Variants in AUTS2 observed in about 807,000 individuals in gnomAD.
AUTS2 encodes autism susceptibility gene 2 protein.
A neutral mutation model predicts 112.4 loss-of-function variants in AUTS2; 17 were observed. The observed-to-expected ratio is 0.15, with a 90% confidence interval of 0.10 to 0.23. AUTS2 has a LOEUF of 0.23. Among genes scored for constraint, AUTS2 ranks in the 10% least tolerant of loss-of-function variants. The pLI, the probability that AUTS2 is intolerant of heterozygous loss-of-function variation, is 1.00. For synonymous variants in AUTS2, 751 were observed against 702.7 expected (o/e 1.07, Z -1.09); for missense variants, 1,510 against 1,701.6 (o/e 0.89, Z 1.98).
At chr7:70,436,298 C>T (rs745432359) in intron 5 of AUTS2, 63 of 152,804 alleles carry the variant, frequency 4.1e-4, no homozygotes, top group African/African-American at 5.5e-4. Flanking sequence ...TCTTCCCATC[C>T]GGGCGGACCG....
chr7:70,581,148 C>T (rs577855101), intron 5 of AUTS2, among the ~76,000 whole-genome samples: 52 of 152,110 alleles, frequency 3.4e-4, no homozygotes, highest in Middle Eastern at 3.4e-3. Context: ...TTTGGGAGGC[C>T]GAGGCGGGCA....
chr7:70,144,554 A>G (rs1438694201), intron 4 of AUTS2, among the ~76,000 whole-genome samples: 3 of 152,098 alleles, frequency 2.0e-5, no homozygotes, highest in African/African-American at 7.2e-5. Flanking sequence ...GTTTTCGCCT[A>G]ATTGTTTCTA....
At chr7:70,163,633 C>G (rs1193029443) in intron 4 of AUTS2, among the ~76,000 whole-genome samples, 2 of 152,076 alleles carry the variant, frequency 1.3e-5, no homozygotes, top group South Asian at 2.1e-4. Flanking sequence ...TGAGAGAGAT[C>G]ATTTTGCCCA....
At chr7:70,195,697 T>A (rs1810136144) in intron 4 of AUTS2, among the ~76,000 whole-genome samples, 1 of 152,308 alleles carries the variant, frequency 6.6e-6, no homozygotes, top group Admixed American at 6.5e-5. Context: ...CTCTGAATAG[T>A]AGAAGACAAT....
intron 5 of AUTS2, among the ~76,000 whole-genome samples, chr7:70,483,336 G>A (rs1585198919): frequency 6.6e-6 from 1 of 152,330 alleles, no homozygotes; most frequent in East Asian, 1.9e-4. Context: ...TGAGGCAAGT[G>A]AATTGAGAAG....
chr7:69,726,114 C>G lies in AUTS2; in HGVS notation c.309+126152C>G, dbSNP rs146791311. Among the ~76,000 whole-genome samples, 7 of 152,252 alleles carry G rather than the reference C, an allele frequency of 4.6e-5. No individual in the cohort carries two copies. The East Asian group carries it at 1.4e-3, about 29-fold the overall frequency. ...ACATCAATGAATTTTGGCAAATATA[C>G]ATACCCATGTAGCACACTTACCCAT... On this transcript the variant is annotated intron_variant, in intron 1 of 18. Transcript: ENST00000342771.
At chr7:70,282,055 T>A (rs1171069817) in intron 4 of AUTS2, among the ~76,000 whole-genome samples, 3 of 151,638 alleles carry the variant, frequency 2.0e-5, no homozygotes, top group African/African-American at 7.3e-5. Flanking sequence ...CTTGGAGCAA[T>A]GCTCATTGAT....
rs1800293186 is a variant in AUTS2, at chr7:70,021,897, A to AG, written c.523-96235_523-96234insG. On this transcript the variant is annotated intron_variant, in intron 2 of 18. Transcript: ENST00000342771. ...TTAGCTAATTATTAGATTGAGATAA[A>AG]TGTGTGTAAGTGACAAATTGCCTTT... 2.0e-5 allele frequency among the ~76,000 whole-genome samples: 3 copies of AG among 152,208 alleles called. No individual in the cohort carries two copies. The South Asian group carries it at 6.2e-4, about 32-fold the overall frequency.
intron 4 of AUTS2, among the ~76,000 whole-genome samples, chr7:70,406,539 G>A (rs146114690): frequency 1.2e-3 from 185 of 152,324 alleles, no homozygotes; most frequent in African/African-American, 4.2e-3. Flanking sequence ...GAAGAACAGT[G>A]TACTTGATGA....
intron 2 of AUTS2, among the ~76,000 whole-genome samples, chr7:69,903,570 T>G (rs1795048333): frequency 6.6e-6 from 1 of 152,198 alleles, no homozygotes; most frequent in African/African-American, 2.4e-5. Flanking sequence ...TAGGCTTAAG[T>G]GAGCTAGAAG....
intron 4 of AUTS2, among the ~76,000 whole-genome samples, chr7:70,333,953 T>G (rs1417116116): frequency 6.6e-6 from 1 of 152,132 alleles, no homozygotes; most frequent in African/African-American, 2.4e-5. Context: ...ATTTAAAGTG[T>G]AATAATAATA....
chr7:69,905,883 C>T (rs974103356), intron 2 of AUTS2, among the ~76,000 whole-genome samples: 6 of 152,174 alleles, frequency 3.9e-5, no homozygotes, highest in African/African-American at 1.4e-4. Flanking sequence ...AAAGAATGGG[C>T]CATAATTCAG....
chr7:70,662,819 T>A lies in AUTS2; in HGVS notation c.691-35750T>A, dbSNP rs546617031. Among the ~76,000 whole-genome samples the A allele has an allele frequency of 7.9e-5, 12 of 152,258 alleles. No homozygotes were observed. The South Asian group carries it at 2.3e-3, about 29-fold the overall frequency. On this transcript the variant is annotated intron_variant, in intron 5 of 18. Transcript: ENST00000342771. ...GGCACAGGGCATGGTGGGAAAGAAG[T>A]CTTGCTGGGTTCTCAGTCATTGCAG... is the stretch of plus-strand genomic sequence containing the variant.
At position 69,716,321 on chromosome 7, in the gene AUTS2, G is replaced by T. The variant is rs567969718; in HGVS notation, c.309+116359G>T. The stretch of plus-strand genomic sequence containing the variant: ...CACAATCACATTTTTTTTTCACACC[G>T]CATTCCACCCTACTAATACTCAGAG... On this transcript the variant is annotated intron_variant, in intron 1 of 18. Coordinates refer to ENST00000342771, the MANE Select transcript of AUTS2 (RefSeq NM_015570.4). Among the ~76,000 whole-genome samples the T allele has an allele frequency of 7.3e-5, 11 of 151,254 alleles. No individual in the cohort carries two copies. In the East Asian group the frequency reaches 1.4e-3, roughly 19 times the overall value.
chr7:70,190,560 C>G (rs1809827558), intron 4 of AUTS2, among the ~76,000 whole-genome samples: 4 of 152,136 alleles, frequency 2.6e-5, no homozygotes. Flanking sequence ...TTCTAGTTAT[C>G]CTCTTTGAGT....
rs78762060 is a variant in AUTS2, at chr7:70,145,122, A to G, written c.660+10551A>G. ...ATTGCTCTTCTTGTAATGCCCCACG[A>G]TTTGATTTACGCTGGCTGAGTATTA... On this transcript the variant is annotated intron_variant, in intron 4 of 18. Coordinates refer to ENST00000342771, the MANE Select transcript of AUTS2 (RefSeq NM_015570.4). Among the ~76,000 whole-genome samples the G allele has an allele frequency of 8.8e-3, 1,344 of 152,064 alleles. 23 individuals carry two copies. Among genetic ancestry groups the G allele is most frequent in the African/African-American group, 0.031 (1,280 of 41,502 alleles).
At chr7:70,003,752 A>G in intron 2 of AUTS2, among the ~76,000 whole-genome samples, 1 of 124,610 alleles carries the variant, frequency 8.0e-6, no homozygotes, top group Non-Finnish European at 1.6e-5. Flanking sequence ...TGAATGTGTT[A>G]TATATGAATA....
intron 5 of AUTS2, among the ~76,000 whole-genome samples, chr7:70,603,601 A>G (rs1803584627): frequency 1.3e-5 from 2 of 152,228 alleles, no homozygotes; most frequent in African/African-American, 2.4e-5. Flanking sequence ...AAGTGCTGTC[A>G]TTGTAAGAAA....
chr7:69,992,140 T>G (rs2129551610), intron 2 of AUTS2, among the ~76,000 whole-genome samples: 1 of 152,356 alleles, frequency 6.6e-6, no homozygotes, highest in Admixed American at 6.5e-5. Context: ...GTATCATTGC[T>G]GATTGTGTCC....
Sources: allele counts gnomAD v4.1 joint callset (sites outside exome capture counted in the v4.1 genomes callset), GRCh38; gene constraint gnomAD v4.1.1; transcripts MANE v1.5; gene names NCBI Gene and HGNC (gene_info 2026-07-23, HGNC 2026-07-21).